The following GREB1L variants were observed in gnomAD, a reference collection of about 807,000 sequenced individuals.
The protein encoded by GREB1L is GREB1 like retinoic acid receptor coactivator, also known as GREB1-like protein.
A neutral mutation model predicts 200.8 loss-of-function variants in GREB1L; 17 were observed. The ratio of observed to expected loss-of-function variants is 0.08; its 90% CI spans 0.06 to 0.13. GREB1L has a LOEUF of 0.13. GREB1L is among the 10% of genes least tolerant of loss of function. The probability of loss-of-function intolerance (pLI) is 1.00; values close to 1 mark genes in which losing one functional copy is unlikely to be tolerated. For missense variants in GREB1L, 1,657 were observed against 2,367.7 expected, an observed-to-expected ratio of 0.70 and a Z score of 6.23; for synonymous variants, 789 against 893.0, an observed-to-expected ratio of 0.88 and a Z score of 2.08.
At chr18:21,356,518 A>G (rs2039506266) in intron 1 of GREB1L, among the ~76,000 whole-genome samples, 1 of 152,284 alleles carries the variant, frequency 6.6e-6, no homozygotes, top group Non-Finnish European at 1.5e-5. Flanking sequence ...CTTTTTAAAG[A>G]CTGAATAGTA....
At chr18:21,410,699 ATTATAAC>A (rs1317512456) in intron 7 of GREB1L, among the ~76,000 whole-genome samples, 1 of 151,206 alleles carries the variant, frequency 6.6e-6, no homozygotes, top group Non-Finnish European at 1.5e-5. Flanking sequence ...CTACATTAAA[ATTATAAC>A]TTCTAACTAT....
At chr18:21,359,323 G>A (rs184239630) in intron 1 of GREB1L, among the ~76,000 whole-genome samples, 11 of 152,260 alleles carry the variant, frequency 7.2e-5, no homozygotes, top group East Asian at 1.9e-4. Context: ...GGTGGCAGGC[G>A]CCTGTAATCC....
rs73422048 is a variant in GREB1L, at chr18:21,294,912, A to G, written c.-120+52519A>G. ...TCTTCACAATATGTCTTTCAATTTA[A>G]ATTTTTCTCAGTTTGGCATTGTGAT... On this transcript the variant is annotated intron_variant, in intron 1 of 32. Coordinates refer to ENST00000424526, the MANE Select transcript of GREB1L (RefSeq NM_001142966.3). 7.5e-3 allele frequency among the ~76,000 whole-genome samples: 1,146 copies of G among 152,264 alleles called. 19 individuals are homozygous for G. Among genetic ancestry groups the G allele is most frequent in the African/African-American group, 0.027 (1,104 of 41,548 alleles).
intron 15 of GREB1L, among the ~76,000 whole-genome samples, chr18:21,459,279 C>CTTTTTTTTTTTTTTTTTTTTTTTTA (rs746568414): frequency 1.2e-5 from 1 of 85,916 alleles, no homozygotes; most frequent in Admixed American, 1.6e-4. Context: ...TTTTTCTTTA[C>CTTTTTTTTTTTTTTTTTTTTTTTTA]TTTTTTTTTT....
At chr18:21,358,381 T>G (rs1269299418) in intron 1 of GREB1L, among the ~76,000 whole-genome samples, 3 of 152,162 alleles carry the variant, frequency 2.0e-5, no homozygotes, top group Admixed American at 6.5e-5. Context: ...AGTCGTGAGA[T>G]CTCAGCTCGC....
In GREB1L at chr18:21,337,247, G is replaced by A. The variant is rs560970374; in HGVS notation, c.-119-28780G>A. ...TACTGTTGAATCTCAGTGATTTTGT[G>A]AGGTTTTATTTCTGATGAAGCTTTT... On this transcript the variant is annotated intron_variant, in intron 1 of 32. Transcript: ENST00000424526. Among the ~76,000 whole-genome samples, 236 of 152,170 alleles carry A rather than the reference G, an allele frequency of 1.6e-3. 1 individual carries two copies. Among genetic ancestry groups the A allele is most frequent in the Admixed American group, 6.5e-3 (99 of 15,290 alleles).
At chr18:21,243,999 G>A (rs1000730198) in intron 1 of GREB1L, among the ~76,000 whole-genome samples, 1 of 152,136 alleles carries the variant, frequency 6.6e-6, no homozygotes, top group African/African-American at 2.4e-5. Context: ...TTACATTATA[G>A]ATGATGAAAG....
chr18:21,442,682 A>G (rs1598847153), intron 10 of GREB1L, among the ~76,000 whole-genome samples: 1 of 152,300 alleles, frequency 6.6e-6, no homozygotes, highest in South Asian at 2.1e-4. Flanking sequence ...ATTTAGGAAG[A>G]CAACCTCACA....
In GREB1L at chr18:21,490,033, G is replaced by A. The variant is rs752640761; in HGVS notation, c.2712G>A (p.Met904Ile). The stretch of plus-strand genomic sequence containing the variant: ...GAAGGTACCCCAGGCTGCACAGCAT[G>A]GTCGTCCGCTGCTATCTTCTCATCC... The part of the protein sequence containing the change: ...LLERYPRLHS[M>I]VVRCYLLIQQ... The change falls in exon 19 of 33, where the codon ATG becomes ATA. Residue 904 changes from methionine to isoleucine, a missense_variant. Physicochemically the swap from Met to Ile is conservative, Grantham distance 10 (BLOSUM62 1). Coordinates refer to ENST00000424526, the MANE Select transcript of GREB1L (RefSeq NM_001142966.3). 2 of 1,551,658 alleles carry A rather than the reference G, an allele frequency of 1.3e-6. No homozygotes were observed. Among genetic ancestry groups the A allele is most frequent in the South Asian group, 2.4e-5 (2 of 84,036 alleles).
rs566811435 is a variant in GREB1L, at chr18:21,443,611, T to C, written c.1208-613T>C. Among the ~76,000 whole-genome samples, 19 of 152,372 alleles carry C rather than the reference T, an allele frequency of 1.2e-4. No homozygotes were observed. In the East Asian group the frequency reaches 3.3e-3, roughly 26 times the overall value. ...TGCAGTTTTACAGAGGATACAGACATGTTTTGCAAACTCATCAGTCTTCCA... is the reference window on the plus strand; with the variant it reads ...TGCAGTTTTACAGAGGATACAGACACGTTTTGCAAACTCATCAGTCTTCCA... On this transcript the variant is annotated intron_variant, in intron 10 of 32. Transcript: ENST00000424526.
At chr18:21,476,120 C>T (rs111494393) in intron 16 of GREB1L, among the ~76,000 whole-genome samples, 5 of 151,686 alleles carry the variant, frequency 3.3e-5, no homozygotes, top group African/African-American at 4.8e-5. Flanking sequence ...AAATAGTCAT[C>T]GTGTATTACA....
Position 21,403,994 on chromosome 18 carries a change from G to T in GREB1L, c.832G>T (p.Asp278Tyr). 6.4e-7 allele frequency: 1 copy of T among 1,550,694 alleles called. No individual in the cohort carries two copies. Among genetic ancestry groups the T allele is most frequent in the Non-Finnish European group, 8.7e-7 (1 of 1,146,132 alleles). ...NGYKSGFTQT[D>Y]AANGNSSHGG... ...ATACAAATCAGGATTCACTCAGACA[G>T]GTATGGGATATTTTCTTTTGGCATT... The change falls in exon 7 of 33, where the codon GAT (aspartate) becomes TAT (tyrosine). Residue 278 changes from aspartate (D) to tyrosine (Y), a missense_variant and splice_region_variant. Asp to Tyr is a radical substitution (Grantham distance 160). This residue lies in a region of GREB1L where 289 missense variants were observed against 345.1 expected (regional missense o/e 0.84). Transcript: ENST00000424526.
At chr18:21,246,174 TCTAG>T (rs200751797) in intron 1 of GREB1L, among the ~76,000 whole-genome samples, 1,539 of 152,310 alleles carry the variant, frequency 0.01, 20 homozygotes, top group African/African-American at 0.036. Flanking sequence ...TAAACCTAGC[TCTAG>T]TACTCATTGG....
chr18:21,255,063 G>T (rs2144023662), intron 1 of GREB1L, among the ~76,000 whole-genome samples: 1 of 152,244 alleles, frequency 6.6e-6, no homozygotes, highest in African/African-American at 2.4e-5. Flanking sequence ...TATTGAAAAA[G>T]ATCAGGAAAT....
At chr18:21,435,565 T>G (rs2033481345) in intron 7 of GREB1L, among the ~76,000 whole-genome samples, 1 of 152,054 alleles carries the variant, frequency 6.6e-6, no homozygotes, top group African/African-American at 2.4e-5. Context: ...AATGAGGAGA[T>G]CTTCACTGTA....
chr18:21,511,698 G>T (rs2037243508), intron 27 of GREB1L, among the ~76,000 whole-genome samples: 1 of 152,218 alleles, frequency 6.6e-6, no homozygotes, highest in African/African-American at 2.4e-5. Context: ...AAGCTAGAGT[G>T]TGCAGTGGTA....
At chr18:21,318,941 T>C (rs140104008) in intron 1 of GREB1L, among the ~76,000 whole-genome samples, 2,661 of 152,292 alleles carry the variant, frequency 0.017, 50 homozygotes, top group Non-Finnish European at 0.02. Context: ...TGGCCTGCTC[T>C]GGAAGAAGGA....
chr18:21,279,851 GTT>G (rs1390174230), intron 1 of GREB1L, among the ~76,000 whole-genome samples: 1 of 152,268 alleles, frequency 6.6e-6, no homozygotes, highest in East Asian at 1.9e-4. Context: ...TTTATTGGTT[GTT>G]TTTTGTTTTG....
chr18:21,518,147 C>G lies in GREB1L; in HGVS notation c.5385C>G (p.His1795Gln). 6.4e-7 allele frequency: 1 copy of G among 1,551,620 alleles called. No individual in the cohort carries two copies. The highest frequency in any genetic ancestry group is 1.4e-5 in the African/African-American group (1 of 73,130). ...TTCTCCTGGAGAAATTCCTTCAGCACGCCTCATATAAACTCTTCCCCAAAG... is the reference window on the plus strand; with the variant it reads ...TTCTCCTGGAGAAATTCCTTCAGCAGGCCTCATATAAACTCTTCCCCAAAG... Reference protein sequence around the residue: ...AQFLLEKFLQHASYKLFPKAI... With the variant: ...AQFLLEKFLQQASYKLFPKAI... The change falls in exon 31 of 33, where the codon CAC (histidine) becomes CAG (glutamine). Residue 1795 changes from histidine (H) to glutamine (Q), a missense_variant. By Grantham distance (24) the His-to-Gln change is conservative. Coordinates refer to ENST00000424526, the MANE Select transcript of GREB1L (RefSeq NM_001142966.3).
Sources: gnomAD v4.1 joint callset for allele counts (sites outside exome capture counted in the v4.1 genomes callset) on GRCh38, gnomAD v4.1.1 for gene constraint, gnomAD v4.1.1 regional missense constraint, MANE v1.5 for transcripts, NCBI Gene and HGNC (gene_info 2026-07-23, HGNC 2026-07-21) for gene names.